XKR7: variants seen among roughly 807,000 people sequenced by gnomAD.
XKR7 encodes the protein XK related 7, also known as XK-related protein 7.
A neutral mutation model predicts 42.2 loss-of-function variants in XKR7; 11 were observed. The ratio of observed to expected loss-of-function variants is 0.26; its 90% confidence interval spans 0.16 to 0.43. XKR7 has a LOEUF of 0.43. XKR7 is among the 20% of genes least tolerant of loss of function. XKR7 has a pLI of 1.00. For synonymous variants in XKR7, 346 were observed against 366.4 expected (o/e 0.94, Z 0.64); for missense variants, 710 against 802.2 (o/e 0.89, Z 1.39).
chr20:31,977,089 C>T (rs890024622), intron 1 of XKR7, among the ~76,000 whole-genome samples: 1 of 152,290 alleles, frequency 6.6e-6, no homozygotes, highest in South Asian at 2.1e-4. Flanking sequence ...AGGCCTACAT[C>T]CACAGCCTTT....
At chr20:31,984,312 C>T (rs144085901) in intron 1 of XKR7, among the ~76,000 whole-genome samples, 4 of 150,732 alleles carry the variant, frequency 2.7e-5, no homozygotes, top group Non-Finnish European at 5.9e-5. Flanking sequence ...TAGGAGTTTA[C>T]AAGATCCCCC....
In XKR7 at chr20:31,996,981, G is replaced by C. The variant is rs2064595989; in HGVS notation, c.1264G>C (p.Ala422Pro). 6.2e-7 allele frequency: 1 copy of C among 1,614,096 alleles called. No homozygotes were observed. Among genetic ancestry groups the C allele is most frequent in the African/African-American group, 1.3e-5 (1 of 75,050 alleles). ...CTCGCTCATCATGGTCTGCGTAGTG[G>C]CCTCCAGCTTTGCGCTGGGCATATT... Reference protein sequence around the residue: ...FYSLIMVCVVASSFALGIFFM... With the variant: ...FYSLIMVCVVPSSFALGIFFM... Residue 422 changes from alanine to proline, a missense_variant, in exon 3 of 3, where the codon GCC (alanine) becomes CCC (proline). Transcript: ENST00000562532.
rs900770980 is a variant in XKR7 at position 31,980,929 on chromosome 20, G to A, written c.584+12170G>A. On this transcript the variant is annotated intron_variant, in intron 1 of 2. Transcript: ENST00000562532. ...ATTTAAAAAAATATATCCTGGCATG[G>A]TGGTATATGCCTATGTTCCCAGCTA... Among the ~76,000 whole-genome samples the A allele has an allele frequency of 1.1e-4, 17 of 152,118 alleles. No homozygotes were observed. In the East Asian group the frequency reaches 1.2e-3, roughly 10 times the overall value.
At chr20:31,986,586 T>A (rs1482259096) in intron 1 of XKR7, among the ~76,000 whole-genome samples, 20 of 30,824 alleles carry the variant, frequency 6.5e-4, no homozygotes, top group East Asian at 4.3e-3. Context: ...ACCCAGCATC[T>A]GAGACACAGA....
At chr20:31,973,507 G>A (rs1176617879) in intron 1 of XKR7, among the ~76,000 whole-genome samples, 14 of 152,132 alleles carry the variant, frequency 9.2e-5, no homozygotes. Flanking sequence ...GGAAAAAAAT[G>A]AAACAGGGCA....
intron 1 of XKR7, among the ~76,000 whole-genome samples, chr20:31,984,794 G>A (rs1175611515): frequency 1.3e-5 from 2 of 152,204 alleles, no homozygotes; most frequent in Non-Finnish European, 1.5e-5. Flanking sequence ...AGGCAACAGG[G>A]GAATCCCGTG....
rs1048842498 is a variant in XKR7 at position 31,999,773 on chromosome 20, G to C, written c.*2316G>C. The C allele has an allele frequency of 2.2e-4, 34 of 152,316 alleles. No homozygotes were observed. Among genetic ancestry groups the C allele is most frequent in the African/African-American group, 8.2e-4 (34 of 41,546 alleles). 9.4% of individuals were successfully genotyped at this position (152,316 alleles called of 1,614,324 possible). On this transcript the variant is annotated 3_prime_UTR_variant, in exon 3 of 3. Coordinates refer to ENST00000562532, the MANE Select transcript of XKR7 (RefSeq NM_001011718.2). The stretch of plus-strand genomic sequence containing the variant: ...TATTATCAACCCATCTTACAGACGA[G>C]GAAACTGAGGCCCAGAGATGTAGCA...
At chr20:31,991,493 C>A (rs993505681) in intron 1 of XKR7, among the ~76,000 whole-genome samples, 5 of 152,078 alleles carry the variant, frequency 3.3e-5, no homozygotes, top group African/African-American at 9.7e-5. Flanking sequence ...AGACCTGGAC[C>A]AAACCCCATC....
At chr20:31,977,321 G>A (rs1174508989) in intron 1 of XKR7, among the ~76,000 whole-genome samples, 1 of 152,166 alleles carries the variant, frequency 6.6e-6, no homozygotes, top group Admixed American at 6.5e-5. Flanking sequence ...TACTCCATCT[G>A]TAAAGTAACT....
At chr20:31,992,436 G>A (rs895116249) in intron 1 of XKR7, among the ~76,000 whole-genome samples, 3 of 152,220 alleles carry the variant, frequency 2.0e-5, no homozygotes, top group African/African-American at 7.2e-5. Context: ...AGAAGCTGAG[G>A]TCCCTGTCCT....
intron 1 of XKR7, among the ~76,000 whole-genome samples, chr20:31,977,716 G>C (rs2064492015): frequency 1.3e-5 from 2 of 152,168 alleles, no homozygotes; most frequent in Non-Finnish European, 2.9e-5. Context: ...AGGAAGGAGA[G>C]TTGTTCTATG....
At chr20:31,979,606 A>T (rs1388607627) in intron 1 of XKR7, among the ~76,000 whole-genome samples, 1 of 152,082 alleles carries the variant, frequency 6.6e-6, no homozygotes. Flanking sequence ...GTCCCTCATA[A>T]TGATAGCAGC....
At chr20:31,988,193 A>T (rs2064551788) in intron 1 of XKR7, among the ~76,000 whole-genome samples, 1 of 152,126 alleles carries the variant, frequency 6.6e-6, no homozygotes, top group South Asian at 2.1e-4. Context: ...CAGGAGAGAG[A>T]TGGGGTGATG....
At chr20:31,978,775 A>G (rs2064497328) in intron 1 of XKR7, among the ~76,000 whole-genome samples, 1 of 152,248 alleles carries the variant, frequency 6.6e-6, no homozygotes. Context: ...GCCCCACCCC[A>G]TTTCCTTCCC....
In XKR7 at chr20:31,968,804, G is replaced by A. The variant is rs1335725830; in HGVS notation, c.584+45G>A. The A allele has an allele frequency of 3.4e-6, 5 of 1,450,798 alleles. No homozygotes were observed. Among genetic ancestry groups the A allele is most frequent in the Non-Finnish European group, 4.5e-6 (5 of 1,107,260 alleles). The allele number at this position is 1,450,798 out of a possible 1,614,324, so 89.9% of individuals were successfully genotyped here. A position where few individuals can be genotyped will look rare whatever the true frequency, so the allele number is the denominator to read the frequency against. ...AGGGACCTGAGCCCGAGGAGTGGGG[G>A]TGGCGAAGGGCTACCTGACGTCCCA... is the stretch of plus-strand genomic sequence containing the variant. On this transcript the variant is annotated intron_variant, in intron 1 of 2. Transcript: ENST00000562532. This position sits in a 1 kb window ranked among gnomAD's most constrained non-coding sequence, Gnocchi z 4.5.
At chr20:31,996,377 A>G in intron 2 of XKR7, 128 bp from the exon 3 acceptor site, 1 of 643,450 alleles carries the variant, frequency 1.6e-6, no homozygotes. Flanking sequence ...ACCCCTGCTG[A>G]TCCACAGCTC....
chr20:31,989,804 G>T (rs1568888740), intron 1 of XKR7, among the ~76,000 whole-genome samples: 1 of 152,182 alleles, frequency 6.6e-6, no homozygotes, highest in Non-Finnish European at 1.5e-5. Context: ...GTAGAGATGG[G>T]GTTTCTCTGT....
chr20:31,983,772 C>G (rs961153938), intron 1 of XKR7, among the ~76,000 whole-genome samples: 1 of 152,086 alleles, frequency 6.6e-6, no homozygotes, highest in Non-Finnish European at 1.5e-5. Flanking sequence ...TAGGGCAAAA[C>G]CCTGTCTCTA....
chr20:31,971,861 G>A (rs571948241), intron 1 of XKR7, among the ~76,000 whole-genome samples: 2 of 152,262 alleles, frequency 1.3e-5, no homozygotes, highest in East Asian at 1.9e-4. Flanking sequence ...AGTAGTGTCC[G>A]AGGAAAAGGG....
Sources: gnomAD v4.1 joint callset for allele counts (sites outside exome capture counted in the v4.1 genomes callset) on GRCh38, gnomAD v4.1.1 for gene constraint, Gnocchi (gnomAD v3.1) non-coding constraint, MANE v1.5 for transcripts, NCBI Gene and HGNC (gene_info 2026-07-23, HGNC 2026-07-21) for gene names.